The following DOK7 variants were observed in gnomAD, a reference collection of about 807,000 sequenced individuals.
DOK7 encodes protein Dok-7.
In DOK7, 32 loss-of-function variants were observed where a neutral mutation model predicts 30.7. The observed-to-expected ratio is 1.04, with a 90% confidence interval of 0.79 to 1.40. DOK7 has a LOEUF of 1.40. Among genes scored for constraint, DOK7 ranks in the 40% most tolerant of loss-of-function variants. The pLI is 0.00. For missense variants in DOK7, 1,007 were observed against 699.2 expected, an observed-to-expected ratio of 1.44 and a Z score of -4.97; for synonymous variants, 447 against 324.1, an observed-to-expected ratio of 1.38 and a Z score of -4.07.
intron 6 of DOK7, 88 bp from the exon 7 acceptor site, chr4:3,492,671 T>C (rs1577181339): frequency 6.4e-7 from 1 of 1,566,476 alleles, no homozygotes; most frequent in East Asian, 2.3e-5. Flanking sequence ...CAGAGAGTGC[T>C]GGCCTGTGGG....
chr4:3,496,867 G>T (rs543320712), downstream of DOK7: 3 of 1,526,002 alleles, frequency 2.0e-6, no homozygotes, highest in African/African-American at 4.1e-5. Context: ...ATTCAGGTAG[G>T]CACCTGGAGC....
At chr4:3,492,156 C>T (rs1276859321) in intron 6 of DOK7, among the ~76,000 whole-genome samples, 1 of 152,176 alleles carries the variant, frequency 6.6e-6, no homozygotes, top group Non-Finnish European at 1.5e-5. Context: ...GGGGCCTGGC[C>T]TGGCAGGCGG....
At chr4:3,497,194 C>T (rs565100454), downstream of DOK7, among the ~76,000 whole-genome samples, 171 of 151,918 alleles carry the variant, frequency 1.1e-3, no homozygotes, top group East Asian at 5.8e-4. Flanking sequence ...CTGGGGTCCA[C>T]GGGTCCCCAA....
chr4:3,488,880 G>A (rs949771015), intron 5 of DOK7, among the ~76,000 whole-genome samples: 1 of 151,914 alleles, frequency 6.6e-6, no homozygotes, highest in African/African-American at 2.4e-5. Context: ...CCTGCTGTTT[G>A]GAGCAAGGTA....
Position 3,494,160 on chromosome 4 carries a change from G to T in DOK7, c.*659G>T, listed in dbSNP as rs1002123952. The T allele has an allele frequency of 1.0e-6, 1 of 985,470 alleles. No individual in the cohort carries two copies. The highest frequency in any genetic ancestry group is 1.2e-6 in the Non-Finnish European group (1 of 830,040). 61.0% of individuals were successfully genotyped at this position (985,470 alleles called of 1,614,324 possible). Reference sequence around the variant, plus strand: ...CAGGTGGTGTCCTCAGAGCAGCCTCGCCTGCTGACCCCACTGGGAGAGGCG... The same window carrying T: ...CAGGTGGTGTCCTCAGAGCAGCCTCTCCTGCTGACCCCACTGGGAGAGGCG... On this transcript the variant is annotated 3_prime_UTR_variant, in exon 7 of 7. Transcript: ENST00000340083.
chr4:3,492,727 C>A, intron 6 of DOK7, 32 bp from the exon 7 acceptor site: 2 of 1,608,050 alleles, frequency 1.2e-6, no homozygotes, highest in African/African-American at 1.3e-5. Context: ...CCTGTACCCC[C>A]ACAACTGCCT....
intron 6 of DOK7, among the ~76,000 whole-genome samples, chr4:3,491,336 T>A: frequency 7.4e-6 from 1 of 135,684 alleles, no homozygotes; most frequent in African/African-American, 2.8e-5. Context: ...ATTCATTCCT[T>A]CCTTCTTCGC....
downstream of DOK7, among the ~76,000 whole-genome samples, chr4:3,495,881 A>G (rs867244606): frequency 6.6e-6 from 1 of 152,192 alleles, no homozygotes; most frequent in South Asian, 2.1e-4. Flanking sequence ...AAAGGTTCTC[A>G]AAGTCTAGAC....
chr4:3,493,705 AG>A lies in DOK7; in HGVS notation c.*208del. The A allele has an allele frequency of 7.0e-7, 1 of 1,435,760 alleles. No homozygotes were observed. The highest frequency in any genetic ancestry group is 2.5e-5 in the East Asian group (1 of 39,602). 88.9% of individuals were successfully genotyped at this position (1,435,760 alleles called of 1,614,324 possible). Reference sequence around the variant, plus strand: ...CTTGGGGAGGTGAGTTCTGGAAGGCAGGGGCTCTGGGTCCGGCAGGTCGGGG... The same window carrying A: ...CTTGGGGAGGTGAGTTCTGGAAGGCAGGGCTCTGGGTCCGGCAGGTCGGGG... On this transcript the variant is annotated 3_prime_UTR_variant, in exon 7 of 7. Coordinates refer to ENST00000340083, the MANE Select transcript of DOK7 (RefSeq NM_173660.5).
At chr4:3,496,759 C>T, downstream of DOK7, 1 of 1,524,444 alleles carries the variant, frequency 6.6e-7, no homozygotes, top group Non-Finnish European at 8.8e-7. Context: ...TCGGTGGCCC[C>T]CCGGGCACAG....
At chr4:3,490,820 CCTGCCTTCCCCCCATTCA>C (rs1488999077) in intron 6 of DOK7, among the ~76,000 whole-genome samples, 6 of 62,430 alleles carry the variant, frequency 9.6e-5, no homozygotes, top group Non-Finnish European at 1.8e-4. Flanking sequence ...CTCATTCATT[CCTGCCTTCCCCCCATTCA>C]TTCCTTCCTT....
downstream of DOK7, chr4:3,494,611 CTCA>C: frequency 1.2e-6 from 1 of 827,270 alleles, no homozygotes; most frequent in Non-Finnish European, 1.5e-6. Context: ...TGCGAGAGGC[CTCA>C]TCTGTCTTGT....
chr4:3,471,632 C>T (rs1726774396), intron 2 of DOK7, among the ~76,000 whole-genome samples: 1 of 152,242 alleles, frequency 6.6e-6, no homozygotes, highest in African/African-American at 2.4e-5. Flanking sequence ...ACCGTCATTT[C>T]TTGGGTGCTC....
rs181112719 is a variant in DOK7 at position 3,477,146 on chromosome 4, G to T, written c.532+604G>T. Among the ~76,000 whole-genome samples, 3 of 149,398 alleles carry T rather than the reference G, an allele frequency of 2.0e-5. No homozygotes were observed. In the South Asian group the frequency reaches 6.3e-4, roughly 31 times the overall value. ...CCTGCCCAGAGAGTCTGAGGTGCCCGCCGGGGCTGTGCAGGAGCAGGTTGT... is the reference window on the plus strand; with the variant it reads ...CCTGCCCAGAGAGTCTGAGGTGCCCTCCGGGGCTGTGCAGGAGCAGGTTGT... On this transcript the variant is annotated intron_variant, in intron 4 of 6. Coordinates refer to ENST00000340083, the MANE Select transcript of DOK7 (RefSeq NM_173660.5).
Position 3,463,361 on chromosome 4 carries a change from G to C in DOK7, c.-15G>C. 1.4e-6 allele frequency: 2 copies of C among 1,471,764 alleles called. No homozygotes were observed. Among genetic ancestry groups the C allele is most frequent in the Non-Finnish European group, 1.8e-6 (2 of 1,125,022 alleles). The allele number at this position is 1,471,764 out of a possible 1,614,324, so 91.2% of individuals were successfully genotyped here. A position where few individuals can be genotyped will look rare whatever the true frequency, so the allele number is the denominator to read the frequency against. On this transcript the variant is annotated 5_prime_UTR_variant, in exon 1 of 7. Coordinates refer to ENST00000340083, the MANE Select transcript of DOK7 (RefSeq NM_173660.5). ...GCGCCGGGGCGAGCGCGGCGGCGCG[G>C]AACCATGACAGAAGATGACCGAGGC...
chr4:3,470,807 A>G (rs1414355763), intron 2 of DOK7, among the ~76,000 whole-genome samples: 1 of 152,220 alleles, frequency 6.6e-6, no homozygotes, highest in African/African-American at 2.4e-5. Context: ...CGGGCTCTTT[A>G]CAGGCAAGCT....
chr4:3,501,139 C>T, exon 8 of DOK7: 1 of 407,574 alleles, frequency 2.5e-6, no homozygotes, highest in Non-Finnish European at 4.4e-6. Context: ...GCAGAGGCTG[C>T]TGCCCAGGAG....
At chr4:3,490,745 C>T (rs1162452657) in intron 6 of DOK7, among the ~76,000 whole-genome samples, 1 of 104,262 alleles carries the variant, frequency 9.6e-6, no homozygotes, top group Non-Finnish European at 1.9e-5. Context: ...TTCCTTCCTT[C>T]TTCCTCCTGC....
intron 6 of DOK7, among the ~76,000 whole-genome samples, chr4:3,491,295 G>A (rs1464432426): frequency 1.3e-4 from 8 of 59,296 alleles, no homozygotes; most frequent in South Asian, 5.5e-4. Context: ...CCGCCCCCCC[G>A]CTCATTCATT....
Sources: gnomAD v4.1 joint callset for allele counts (sites outside exome capture counted in the v4.1 genomes callset) on GRCh38, gnomAD v4.1.1 for gene constraint, MANE v1.5 for transcripts, NCBI Gene and HGNC (gene_info 2026-07-23, HGNC 2026-07-21) for gene names.